SMN1: variants seen among roughly 807,000 people sequenced by gnomAD.
SMN1 encodes survival motor neuron protein.
For missense variants in SMN1, 15 were observed against 17.1 expected (o/e 0.88, Z 0.22); for synonymous variants, 3 against 5.1 (o/e 0.58, Z 0.56).
intron 8 of SMN1, 114 bp downstream of exon 8, chr5:70,952,108 T>C: frequency 6.4e-7 from 1 of 1,569,270 alleles, no homozygotes; most frequent in Non-Finnish European, 8.7e-7. Flanking sequence ...GTTGAAAGGT[T>C]AATGTAAAAC....
downstream of SMN1, among the ~76,000 whole-genome samples, chr5:70,957,691 T>G (rs1749938582): frequency 9.5e-6 from 1 of 105,670 alleles, no homozygotes; most frequent in African/African-American, 3.1e-5. Context: ...TGGATAAGCT[T>G]TTTGATGTGC....
chr5:70,951,324 G>A (rs1749720044), intron 7 of SMN1, among the ~76,000 whole-genome samples: 2 of 151,316 alleles, frequency 1.3e-5, no homozygotes, highest in African/African-American at 4.8e-5. Flanking sequence ...CCAGGCTGGA[G>A]TGCAGTGGTG....
chr5:70,952,173 A>T, intron 8 of SMN1, 179 bp downstream of exon 8: 3 of 1,474,312 alleles, frequency 2.0e-6, no homozygotes, highest in East Asian at 5.0e-5. Flanking sequence ...GTTAATCTAC[A>T]TCCCTACTAG....
intron 8 of SMN1, 57 bp from the exon 9 acceptor site, chr5:70,952,367 TAACTGGTGTCCACAG>T: frequency 9.3e-7 from 1 of 1,071,052 alleles, no homozygotes. Flanking sequence ...TAGTCAAGTT[TAACTGGTGTCCACAG>T]AGGACATGGT....
At chr5:70,955,063 A>G (rs1749868937), downstream of SMN1, among the ~76,000 whole-genome samples, 1 of 142,406 alleles carries the variant, frequency 7.0e-6, no homozygotes, top group African/African-American at 2.6e-5. Flanking sequence ...AAATGAAAGA[A>G]TTAGCAAGGC....
At chr5:70,959,285 T>C in the SMN1 span, among the ~76,000 whole-genome samples, 8 of 150,138 alleles carry the variant, frequency 5.3e-5, no homozygotes, top group South Asian at 1.5e-3. Context: ...AGGGATAGCA[T>C]TAGGAGATAT....
chr5:70,949,940 T>C (rs1308236866), intron 7 of SMN1, among the ~76,000 whole-genome samples: 1 of 132,918 alleles, frequency 7.5e-6, no homozygotes, highest in Non-Finnish European at 1.6e-5. Flanking sequence ...TGGTGGTGCA[T>C]GCCTGTAATC....
downstream of SMN1, among the ~76,000 whole-genome samples, chr5:70,956,817 A>G (rs1417522315): frequency 1.0e-4 from 15 of 147,714 alleles, no homozygotes; most frequent in Admixed American, 1.0e-3. Flanking sequence ...TTGGTTCCAT[A>G]TGAACTTTAA....
intron 1 of SMN1, among the ~76,000 whole-genome samples, chr5:70,935,758 G>GAAAAC (rs1355976071): frequency 6.7e-6 from 1 of 149,460 alleles, no homozygotes; most frequent in Non-Finnish European, 1.5e-5. Context: ...TGTCTCAAGA[G>GAAAAC]AAAACAAAAC....
At chr5:70,959,490 C>A in the SMN1 span, among the ~76,000 whole-genome samples, 1 of 113,354 alleles carries the variant, frequency 8.8e-6, no homozygotes, top group African/African-American at 3.0e-5. Context: ...GATATTCTTA[C>A]AGATGTGTAC....
At chr5:70,943,752 A>C (rs1266032279) in intron 5 of SMN1, among the ~76,000 whole-genome samples, 1 of 138,708 alleles carries the variant, frequency 7.2e-6, no homozygotes, top group African/African-American at 2.5e-5. Flanking sequence ...TTTTGTGTAA[A>C]GCGGTGATTT....
At chr5:70,956,548 C>A (rs1175330933), downstream of SMN1, among the ~76,000 whole-genome samples, 7 of 145,702 alleles carry the variant, frequency 4.8e-5, 1 homozygote, top group South Asian at 1.6e-3. Context: ...TAGCCAGTTT[C>A]CCAGCACCAT....
intron 7 of SMN1, 130 bp from the exon 8 acceptor site, chr5:70,951,811 T>C: frequency 1.6e-6 from 1 of 633,422 alleles, no homozygotes; most frequent in Non-Finnish European, 2.9e-6. Flanking sequence ...TCTGATCATA[T>C]TTTGTTGAAT....
At chr5:70,957,066 C>A (rs2112841807), downstream of SMN1, among the ~76,000 whole-genome samples, 1 of 69,962 alleles carries the variant, frequency 1.4e-5, no homozygotes, top group African/African-American at 4.5e-5. Context: ...GTATTTTATT[C>A]TCTTTGAAGC....
At chr5:70,956,606 G>C (rs915478939), downstream of SMN1, among the ~76,000 whole-genome samples, 94 of 148,782 alleles carry the variant, frequency 6.3e-4, 7 homozygotes, top group Non-Finnish European at 1.1e-3. Flanking sequence ...TCTCAGGTTT[G>C]TCAAAGATCA....
At chr5:70,945,729 C>T (rs1157944701) in intron 6 of SMN1, among the ~76,000 whole-genome samples, 1 of 13,188 alleles carries the variant, frequency 7.6e-5, no homozygotes, top group South Asian at 2.9e-3. Flanking sequence ...TTTTCGTCCT[C>T]GTTAAATTTA....
chr5:70,960,437 T>C, the SMN1 span, among the ~76,000 whole-genome samples: 1 of 148,464 alleles, frequency 6.7e-6, no homozygotes, highest in South Asian at 2.2e-4. Flanking sequence ...GTTTTTTGTG[T>C]AGCTTTCTTA....
At position 70,951,941 on chromosome 5, in the gene SMN1, G is replaced by A. The variant is rs77969175; in HGVS notation, c.835G>A (p.Gly279Ser). 6.2e-7 allele frequency: 1 copy of A among 1,612,380 alleles called. No individual in the cohort carries two copies. The highest frequency in any genetic ancestry group is 1.7e-5 in the Admixed American group (1 of 59,906). Residue 279 changes from glycine to serine, a missense_variant and splice_region_variant, in exon 8 of 9, where the codon GGT becomes AGT. By Grantham distance (56) the Gly-to-Ser change is moderately conservative. Transcript: ENST00000380707. Reference protein sequence around the residue: ...MSGYHTGYYMGFRQNQKEGRC... With the variant: ...MSGYHTGYYMSFRQNQKEGRC... ...TTAACTTCCTTTATTTTCCTTACAG[G>A]GTTTCAGACAAAATCAAAAAGAAGG...
chr5:70,956,923 C>T (rs111517196), downstream of SMN1, among the ~76,000 whole-genome samples: 58,528 of 90,896 alleles, frequency 0.64, 19,531 homozygotes, highest in East Asian at 0.9. Context: ...GCCATTTTCA[C>T]GATATTGATT....
Sources: gnomAD v4.1 joint callset for allele counts (sites outside exome capture counted in the v4.1 genomes callset) on GRCh38, gnomAD v4.1.1 for gene constraint, MANE v1.5 for transcripts, NCBI Gene and HGNC (gene_info 2026-07-23, HGNC 2026-07-21) for gene names.